The following COL4A4 variants were observed in gnomAD, a reference collection of about 807,000 sequenced individuals.
COL4A4 encodes the protein collagen type IV alpha 4 chain.
In COL4A4, 105 loss-of-function variants were observed where a neutral mutation model predicts 192.9. The observed-to-expected ratio is 0.54, with a 90% CI of 0.46 to 0.64. The LOEUF (loss-of-function observed/expected upper bound fraction) is 0.64, where lower values mean the gene tolerates loss of function less well. Among genes scored for constraint, COL4A4 ranks in the 30% least tolerant of loss-of-function variants. The probability of loss-of-function intolerance (pLI) is 0.00; values close to 1 mark genes in which losing one functional copy is unlikely to be tolerated. For synonymous variants in COL4A4, 762 were observed against 769.9 expected (o/e 0.99, Z 0.17); for missense variants, 1,967 against 2,169.3 (o/e 0.91, Z 1.85).
chr2:227,111,062 G>A (rs906875539), intron 9 of COL4A4, among the ~76,000 whole-genome samples: 4 of 152,168 alleles, frequency 2.6e-5, no homozygotes, highest in African/African-American at 4.8e-5. Context: ...TGGTCTGGGC[G>A]GCCCTCGGTG....
intron 11 of COL4A4, 44 bp downstream of exon 11, chr2:227,108,789 A>G (rs1338802123): frequency 6.2e-7 from 1 of 1,601,040 alleles, no homozygotes; most frequent in East Asian, 2.2e-5. Flanking sequence ...CAACCATTTC[A>G]TTGTTCAGGG....
intron 17 of COL4A4, among the ~76,000 whole-genome samples, chr2:227,100,208 C>A (rs1408862728): frequency 6.6e-6 from 1 of 152,090 alleles, no homozygotes; most frequent in Non-Finnish European, 1.5e-5. Context: ...AGAAAAAATG[C>A]AGTGGTGTTA....
Position 227,121,737 on chromosome 2 carries a change from A to ATATG in COL4A4, c.193-593_193-590dup, listed in dbSNP as rs572012081. ...TAAATTTCAATTACTGCACATGTGTATATGTATGTATGTGTGCAGTATGTA... is the reference window on the plus strand; with the variant it reads ...TAAATTTCAATTACTGCACATGTGTATATGTATGTATGTATGTGTGCAGTATGTA... On this transcript the variant is annotated intron_variant, in intron 4 of 47. Transcript: ENST00000396625. Among the ~76,000 whole-genome samples, 366 of 152,308 alleles carry ATATG rather than the reference A, an allele frequency of 2.4e-3. 5 individuals carry two copies. The highest frequency in any genetic ancestry group is 6.6e-4 in the Non-Finnish European group (45 of 68,030).
chr2:227,088,838 G>A, intron 21 of COL4A4, 22 bp from the exon 22 acceptor site: 1 of 1,613,748 alleles, frequency 6.2e-7, no homozygotes, highest in South Asian at 1.1e-5. Flanking sequence ...ATCAATGGCA[G>A]ATTTGTCATA....
intron 44 of COL4A4, among the ~76,000 whole-genome samples, chr2:227,016,806 A>T (rs1231563854): frequency 6.6e-6 from 1 of 152,126 alleles, no homozygotes; most frequent in Non-Finnish European, 1.5e-5. Context: ...TGCTCCCAGG[A>T]TTAGAAACGA....
chr2:226,974,994 A>T, the COL4A4 span, among the ~76,000 whole-genome samples: 1 of 152,218 alleles, frequency 6.6e-6, no homozygotes, highest in South Asian at 2.1e-4. Flanking sequence ...CACGTGAATC[A>T]GCAGCAGTGA....
intron 34 of COL4A4, among the ~76,000 whole-genome samples, chr2:227,049,171 G>A (rs1263861108): frequency 6.6e-6 from 1 of 152,232 alleles, no homozygotes; most frequent in African/African-American, 2.4e-5. Context: ...GGTATACCAA[G>A]ATAGTAAAAC....
At chr2:227,017,432 A>G (rs926436689) in intron 44 of COL4A4, among the ~76,000 whole-genome samples, 15 of 152,172 alleles carry the variant, frequency 9.9e-5, no homozygotes, top group Admixed American at 9.2e-4. Flanking sequence ...CAAACCCTCC[A>G]GTGTTAGATG....
Position 227,011,866 on chromosome 2 carries a change from C to T in COL4A4, c.4333+315G>A, listed in dbSNP as rs561355870. 5.9e-5 allele frequency among the ~76,000 whole-genome samples: 9 copies of T among 152,268 alleles called. No individual in the cohort carries two copies. The East Asian group carries it at 1.3e-3, about 23-fold the overall frequency. Reference sequence around the variant, plus strand: ...GTGATCCCACAGCCACCAGGCTGACCGTCCCTTCATGACCTTGAAAAGTGA... The same window carrying T: ...GTGATCCCACAGCCACCAGGCTGACTGTCCCTTCATGACCTTGAAAAGTGA... On this transcript the variant is annotated intron_variant, in intron 45 of 47. Transcript: ENST00000396625.
chr2:227,086,789 C>A lies in COL4A4; in HGVS notation c.1623+1864G>T, dbSNP rs140663501. Among the ~76,000 whole-genome samples, 270 of 152,270 alleles carry A rather than the reference C, an allele frequency of 1.8e-3. 2 individuals carry two copies. Among genetic ancestry groups the A allele is most frequent in the African/African-American group, 5.9e-3 (244 of 41,562 alleles). ...AAATCTTCACTAAGAAGATTAAGTA[C>A]CAACACACACAAAAATGACTATGGT... On this transcript the variant is annotated intron_variant, in intron 22 of 47. Transcript: ENST00000396625.
chr2:227,095,276 A>G (rs1379232776), intron 19 of COL4A4, among the ~76,000 whole-genome samples: 1 of 152,222 alleles, frequency 6.6e-6, no homozygotes, highest in African/African-American at 2.4e-5. Context: ...TAGGTAGAAC[A>G]TAAAATATTG....
intron 35 of COL4A4, among the ~76,000 whole-genome samples, chr2:227,045,951 GTATA>G (rs1266576511): frequency 4.1e-5 from 3 of 74,034 alleles, no homozygotes; most frequent in African/African-American, 2.1e-4. Context: ...ATGTATATAT[GTATA>G]TATGTATATA....
chr2:227,036,755 C>T (rs1049597366), intron 37 of COL4A4, among the ~76,000 whole-genome samples: 16 of 152,158 alleles, frequency 1.1e-4, no homozygotes, highest in African/African-American at 3.9e-4. Flanking sequence ...CAATTACATC[C>T]AGTGTGGTAA....
intron 37 of COL4A4, 38 bp from the exon 38 acceptor site, chr2:227,033,519 C>A (rs759801270): frequency 6.3e-7 from 1 of 1,576,086 alleles, no homozygotes; most frequent in South Asian, 1.1e-5. Context: ...AAAGGAAGAC[C>A]AGCCACCGGT....
the COL4A4 span, among the ~76,000 whole-genome samples, chr2:226,977,599 A>G: frequency 1.3e-5 from 2 of 152,234 alleles, no homozygotes; most frequent in African/African-American, 4.8e-5. Context: ...TAGCATAATT[A>G]GCAGGATCAA....
chr2:227,040,120 T>G (rs1457508474), intron 37 of COL4A4, among the ~76,000 whole-genome samples: 1 of 152,212 alleles, frequency 6.6e-6, no homozygotes, highest in African/African-American at 2.4e-5. Flanking sequence ...AAAATCGTAT[T>G]TGAATTTTCA....
chr2:226,988,729 T>C, the COL4A4 span: 127 of 920,966 alleles, frequency 1.4e-4, no homozygotes, highest in Non-Finnish European at 1.6e-4. Flanking sequence ...GATATAGATA[T>C]ATTAAGAGAT....
rs552374146 is a variant in COL4A4 at position 227,021,278 on chromosome 2, C to T, written c.4216+770G>A. Among the ~76,000 whole-genome samples, 7 of 152,274 alleles carry T rather than the reference C, an allele frequency of 4.6e-5. No individual in the cohort carries two copies. In the South Asian group the frequency reaches 1.2e-3, roughly 27 times the overall value. On this transcript the variant is annotated intron_variant, in intron 44 of 47. Transcript: ENST00000396625. ...ACTGAACAATGCTCCAGTGATTAAC[C>T]ATGTAGTAACTGCCAAAACGTACAG...
At chr2:227,000,907 CTT>C (rs1286951116), downstream of COL4A4, among the ~76,000 whole-genome samples, 1 of 152,092 alleles carries the variant, frequency 6.6e-6, no homozygotes, top group South Asian at 2.1e-4. Context: ...GCTCTCTTCT[CTT>C]GTCAGCCACC....
Sources: allele counts gnomAD v4.1 joint callset (sites outside exome capture counted in the v4.1 genomes callset), GRCh38; gene constraint gnomAD v4.1.1; transcripts MANE v1.5; gene names NCBI Gene and HGNC (gene_info 2026-07-23, HGNC 2026-07-21).